Variants in CLNK observed in about 807,000 individuals in gnomAD.
CLNK encodes the protein cytokine dependent hematopoietic cell linker.
CLNK carries 74 observed loss-of-function variants against 68.6 expected under a neutral mutation model. That is an observed-to-expected ratio of 1.08 (90% confidence interval 0.89 to 1.31). CLNK has a LOEUF of 1.31. CLNK is among the 50% of genes most tolerant of loss of function. The pLI is 0.00. For missense variants in CLNK, 553 were observed against 515.3 expected, an observed-to-expected ratio of 1.07 and a Z score of -0.71; for synonymous variants, 198 against 172.2, an observed-to-expected ratio of 1.15 and a Z score of -1.17.
At chr4:10,625,422 T>C (rs1236645601) in intron 2 of CLNK, among the ~76,000 whole-genome samples, 1 of 152,222 alleles carries the variant, frequency 6.6e-6, no homozygotes, top group East Asian at 1.9e-4. Context: ...CTGGGCTTGT[T>C]GCTCTCTTTC....
chr4:10,502,130 G>A (rs1329965192), intron 17 of CLNK, among the ~76,000 whole-genome samples: 3 of 152,166 alleles, frequency 2.0e-5, no homozygotes, highest in African/African-American at 2.4e-5. Context: ...GATTTTGCAT[G>A]ATGTATTAGT....
chr4:10,618,167 C>T (rs1354214892), intron 2 of CLNK, among the ~76,000 whole-genome samples: 3 of 152,302 alleles, frequency 2.0e-5, no homozygotes, highest in Middle Eastern at 3.4e-3. Flanking sequence ...AATGTATACT[C>T]ATGCAATGGA....
At chr4:10,526,748 G>T (rs1718339276) in intron 13 of CLNK, among the ~76,000 whole-genome samples, 1 of 152,184 alleles carries the variant, frequency 6.6e-6, no homozygotes, top group African/African-American at 2.4e-5. Context: ...GTTTTTAAAA[G>T]TTCTGCCAAC....
At chr4:10,506,766 T>C (rs900270789) in intron 17 of CLNK, among the ~76,000 whole-genome samples, 2 of 152,172 alleles carry the variant, frequency 1.3e-5, no homozygotes, top group African/African-American at 4.8e-5. Context: ...CAGCTGATAA[T>C]TAGCATGACC....
chr4:10,523,589 T>A (rs527376625), intron 14 of CLNK, among the ~76,000 whole-genome samples: 12 of 140,658 alleles, frequency 8.5e-5, no homozygotes, highest in African/African-American at 3.0e-4. Flanking sequence ...AGGGTCTTTA[T>A]GTAATAAATG....
At chr4:10,654,405 A>ATATATATATATATATATAT (rs1367370247) in intron 2 of CLNK, among the ~76,000 whole-genome samples, 25 of 116,998 alleles carry the variant, frequency 2.1e-4, no homozygotes, top group Middle Eastern at 4.2e-3. Context: ...ATATATATAG[A>ATATATATATATATATATAT]AAGTCTCTTG....
intron 17 of CLNK, 80 bp from the exon 18 acceptor site, chr4:10,501,491 C>T: frequency 7.2e-7 from 1 of 1,386,718 alleles, no homozygotes; most frequent in East Asian, 2.4e-5. Flanking sequence ...ATGATGTCTG[C>T]ATGCATGAGA....
chr4:10,684,500 A>G (rs562909229), intron 1 of CLNK, among the ~76,000 whole-genome samples, 168 bp downstream of exon 1: 11 of 152,320 alleles, frequency 7.2e-5, no homozygotes, highest in African/African-American at 2.6e-4. Context: ...GATCTTTAAC[A>G]ATTGAGTTAA....
At chr4:10,728,380 T>TAA in the CLNK span, among the ~76,000 whole-genome samples, 2 of 103,038 alleles carry the variant, frequency 1.9e-5, no homozygotes, top group Non-Finnish European at 3.9e-5. Flanking sequence ...CATTTTATTC[T>TAA]AAAGAGTGTG....
In CLNK at chr4:10,592,293, T is replaced by C. The variant is rs78735379; in HGVS notation, c.83+5685A>G. Among the ~76,000 whole-genome samples, 427 of 152,056 alleles carry C rather than the reference T, an allele frequency of 2.8e-3. 2 individuals are homozygous for C. The highest frequency in any genetic ancestry group is 0.01 in the Middle Eastern group (3 of 290). On this transcript the variant is annotated intron_variant, in intron 3 of 18. Transcript: ENST00000226951. ...ATAAGCTATCAATCAGTGCTCCCAATACATATTAAAAAACAAAAACAAAAA... is the reference window on the plus strand; with the variant it reads ...ATAAGCTATCAATCAGTGCTCCCAACACATATTAAAAAACAAAAACAAAAA...
At chr4:10,638,307 C>T (rs1723175758) in intron 2 of CLNK, among the ~76,000 whole-genome samples, 1 of 152,210 alleles carries the variant, frequency 6.6e-6, no homozygotes, top group Non-Finnish European at 1.5e-5. Context: ...AAATTGTGTG[C>T]ATCCAGATGC....
chr4:10,498,149 C>T lies in CLNK; in HGVS notation c.1140+3107G>A, dbSNP rs190813879. On this transcript the variant is annotated intron_variant, in intron 18 of 18. Transcript: ENST00000226951. The stretch of plus-strand genomic sequence containing the variant: ...GGCAGAGGTTGTGGTGAGCCAAGAT[C>T]ACGCCATTGCATTCCAGCCTGGGCA... 1.7e-4 allele frequency among the ~76,000 whole-genome samples: 26 copies of T among 151,744 alleles called. No individual in the cohort carries two copies. In the East Asian group the frequency reaches 5.1e-3, roughly 29 times the overall value.
intron 4 of CLNK, among the ~76,000 whole-genome samples, chr4:10,584,576 G>A (rs929151973): frequency 2.0e-5 from 3 of 152,152 alleles, no homozygotes; most frequent in African/African-American, 7.2e-5. Context: ...CAATTATATG[G>A]AATTTAGTTG....
chr4:10,607,636 A>C (rs970227361), intron 2 of CLNK, among the ~76,000 whole-genome samples: 17 of 152,168 alleles, frequency 1.1e-4, no homozygotes, highest in African/African-American at 4.1e-4. Context: ...GCTCAAATAG[A>C]AGACAAGCTT....
chr4:10,641,897 G>T (rs1325767177), intron 2 of CLNK, among the ~76,000 whole-genome samples: 1 of 152,108 alleles, frequency 6.6e-6, no homozygotes, highest in African/African-American at 2.4e-5. Flanking sequence ...TTTACAAAGG[G>T]TTTCCCCTTT....
At chr4:10,612,573 G>C (rs1045208402) in intron 2 of CLNK, among the ~76,000 whole-genome samples, 2 of 152,204 alleles carry the variant, frequency 1.3e-5, no homozygotes, top group Non-Finnish European at 2.9e-5. Flanking sequence ...CTGACCCAAA[G>C]ACTGTTTCTT....
intron 2 of CLNK, chr4:10,598,549 C>G (rs761188442): frequency 1.2e-4 from 33 of 271,292 alleles, no homozygotes; most frequent in Non-Finnish European, 2.2e-4. Flanking sequence ...CGTGGGAAGA[C>G]AGACTATTTA....
At chr4:10,598,090 G>C (rs1560235001) in intron 2 of CLNK, 41 bp from the exon 3 acceptor site, 1 of 1,367,602 alleles carries the variant, frequency 7.3e-7, no homozygotes, top group East Asian at 2.5e-5. Context: ...GAAATAGCAA[G>C]AAGCTAGGGG....
the CLNK span, among the ~76,000 whole-genome samples, chr4:10,713,494 C>T: frequency 6.6e-6 from 1 of 152,080 alleles, no homozygotes; most frequent in Admixed American, 6.5e-5. Flanking sequence ...AAGATGAGGT[C>T]ATGGCCCATA....
Sources: gnomAD v4.1 joint callset for allele counts (sites outside exome capture counted in the v4.1 genomes callset) on GRCh38, gnomAD v4.1.1 for gene constraint, MANE v1.5 for transcripts, NCBI Gene and HGNC (gene_info 2026-07-23, HGNC 2026-07-21) for gene names.